Variants in PAX5 observed in about 807,000 individuals in gnomAD.
PAX5 encodes paired box protein Pax-5.
Under a neutral mutation model 43.7 loss-of-function variants are expected in PAX5, and 9 were observed. That is an observed-to-expected ratio of 0.21 (90% CI 0.12 to 0.36). The LOEUF is 0.36. Ranked by LOEUF, PAX5 falls within the 10% of genes least tolerant of loss-of-function variation. PAX5 has a pLI of 1.00. For synonymous variants in PAX5, 228 were observed against 214.3 expected, an observed-to-expected ratio of 1.06 and a Z score of -0.56; for missense variants, 383 against 532.7, an observed-to-expected ratio of 0.72 and a Z score of 2.77.
At chr9:37,032,701 G>A (rs1841105644) in intron 1 of PAX5, among the ~76,000 whole-genome samples, 1 of 152,226 alleles carries the variant, frequency 6.6e-6, no homozygotes, top group Non-Finnish European at 1.5e-5. Flanking sequence ...TCTTGCCAGG[G>A]CCAAGAGAGT....
At chr9:36,940,873 C>A (rs1433193341) in intron 6 of PAX5, among the ~76,000 whole-genome samples, 1 of 152,100 alleles carries the variant, frequency 6.6e-6, no homozygotes, top group Non-Finnish European at 1.5e-5. Flanking sequence ...CGGAAAATAT[C>A]CTAAAGAAAC....
In PAX5 at chr9:36,928,172, T is replaced by C. The variant is rs1830809436; in HGVS notation, c.781-4688A>G. Reference sequence around the variant, plus strand: ...TTCCCTAAGTCCTCATCACCGTTTGTCCTTTTGAGGTGTCCGTGATTTTTA... The same window carrying C: ...TTCCCTAAGTCCTCATCACCGTTTGCCCTTTTGAGGTGTCCGTGATTTTTA... On this transcript the variant is annotated intron_variant, in intron 6 of 9. Coordinates refer to ENST00000358127, the MANE Select transcript of PAX5 (RefSeq NM_016734.3). Among the ~76,000 whole-genome samples, 3 of 152,238 alleles carry C rather than the reference T, an allele frequency of 2.0e-5. No individual in the cohort carries two copies. The South Asian group carries it at 6.2e-4, about 32-fold the overall frequency.
chr9:36,952,067 G>A (rs62533678), intron 6 of PAX5, among the ~76,000 whole-genome samples: 7,615 of 151,898 alleles, frequency 0.05, 375 homozygotes, highest in Admixed American at 0.069. Context: ...ACTTTTACAG[G>A]TGATATTATT....
chr9:37,002,531 C>T, intron 5 of PAX5, 117 bp downstream of exon 5: 3 of 1,111,388 alleles, frequency 2.7e-6, no homozygotes, highest in Admixed American at 2.4e-5. Flanking sequence ...CCGGGGGACT[C>T]GCTCCTCTGC....
rs538526674 is a variant in PAX5 at position 36,921,395 on chromosome 9, T to C, written c.910+1960A>G. Among the ~76,000 whole-genome samples the C allele has an allele frequency of 5.3e-5, 8 of 152,276 alleles. No individual in the cohort carries two copies. The East Asian group carries it at 9.7e-4, about 18-fold the overall frequency. Reference sequence around the variant, plus strand: ...AGATGGAGAAACGGAGGCTCAGAGATGTGTCCAGAGTCAGACGGCAAGGCA... The same window carrying C: ...AGATGGAGAAACGGAGGCTCAGAGACGTGTCCAGAGTCAGACGGCAAGGCA... On this transcript the variant is annotated intron_variant, in intron 7 of 9. Coordinates refer to ENST00000358127, the MANE Select transcript of PAX5 (RefSeq NM_016734.3).
At chr9:37,022,591 G>A (rs1370327724) in intron 1 of PAX5, among the ~76,000 whole-genome samples, 2 of 152,202 alleles carry the variant, frequency 1.3e-5, no homozygotes, top group African/African-American at 2.4e-5. Context: ...GCAATAGCCT[G>A]TTCTCTATGT....
At chr9:36,984,302 T>C (rs2132291392) in intron 5 of PAX5, among the ~76,000 whole-genome samples, 1 of 152,216 alleles carries the variant, frequency 6.6e-6, no homozygotes, top group African/African-American at 2.4e-5. Context: ...AGGGGTGTTA[T>C]GGGGGTTATA....
At chr9:36,946,663 T>A (rs566230219) in intron 6 of PAX5, among the ~76,000 whole-genome samples, 1 of 152,290 alleles carries the variant, frequency 6.6e-6, no homozygotes, top group South Asian at 2.1e-4. Context: ...CTACCAGTAA[T>A]GGAAGGGAAA....
chr9:36,923,117 C>G (rs1241037269), intron 7 of PAX5: 1 of 472,324 alleles, frequency 2.1e-6, no homozygotes, highest in African/African-American at 1.9e-5. Context: ...CAAGTCCCCT[C>G]CAGCCCACAG....
intron 5 of PAX5, among the ~76,000 whole-genome samples, chr9:36,972,981 T>C (rs1004163752): frequency 2.0e-5 from 3 of 149,868 alleles, no homozygotes; most frequent in South Asian, 2.1e-4. Flanking sequence ...TGAGCCGAGA[T>C]TGTGCCATTG....
intron 7 of PAX5, among the ~76,000 whole-genome samples, chr9:36,902,035 T>G (rs188985144): frequency 9.5e-4 from 144 of 152,256 alleles, no homozygotes; most frequent in African/African-American, 3.4e-3. Flanking sequence ...TCCCATCCCC[T>G]CCCTAGACCA....
chr9:36,971,603 A>C (rs1241676674), intron 5 of PAX5, among the ~76,000 whole-genome samples: 1 of 152,244 alleles, frequency 6.6e-6, no homozygotes, highest in East Asian at 1.9e-4. Flanking sequence ...AAAGGTGTAC[A>C]GGGGGCATGG....
At position 37,027,814 on chromosome 9, in the gene PAX5, A is replaced by T. The variant is rs556621185; in HGVS notation, c.46+6172T>A. On this transcript the variant is annotated intron_variant, in intron 1 of 9. Coordinates refer to ENST00000358127, the MANE Select transcript of PAX5 (RefSeq NM_016734.3). ...TGGCGTCAGCCGGCCCTGGCCCGAA[A>T]CACCGCCCCATTGGCTAAGCAGCCC... Among the ~76,000 whole-genome samples the T allele has an allele frequency of 5.3e-5, 8 of 152,358 alleles. No individual in the cohort carries two copies. The East Asian group carries it at 9.6e-4, about 18-fold the overall frequency.
intron 1 of PAX5, among the ~76,000 whole-genome samples, chr9:37,029,362 G>A (rs1319155786): frequency 6.6e-6 from 1 of 152,224 alleles, no homozygotes; most frequent in Non-Finnish European, 1.5e-5. Context: ...CAGTAGACAA[G>A]TTTCCGGCGC....
intron 8 of PAX5, among the ~76,000 whole-genome samples, chr9:36,869,497 A>G (rs1825214237): frequency 6.6e-6 from 1 of 152,162 alleles, no homozygotes; most frequent in Admixed American, 6.5e-5. Context: ...TGTTTTCTCA[A>G]TCTTAGCAAA....
chr9:37,034,133 A>G lies in PAX5; in HGVS notation c.-102T>C, dbSNP rs1038699585. The G allele has an allele frequency of 1.3e-5, 7 of 529,678 alleles. No homozygotes were observed. Among genetic ancestry groups the G allele is most frequent in the Admixed American group, 4.2e-5 (1 of 24,036 alleles). 32.8% of individuals were successfully genotyped at this position (529,678 alleles called of 1,614,324 possible). Reference sequence around the variant, plus strand: ...TTTTTTTTTTTTTTTTTTTGGTGCCAGGGGCCGCTCACAGGTCGGAATAAT... The same window carrying G: ...TTTTTTTTTTTTTTTTTTTGGTGCCGGGGGCCGCTCACAGGTCGGAATAAT... On this transcript the variant is annotated 5_prime_UTR_variant, in exon 1 of 10. Transcript: ENST00000358127.
intron 8 of PAX5, among the ~76,000 whole-genome samples, chr9:36,879,387 G>T (rs909846020): frequency 2.0e-5 from 3 of 152,226 alleles, no homozygotes; most frequent in Non-Finnish European, 4.4e-5. Flanking sequence ...GGTTTCCAGT[G>T]GGGGGCTGAG....
intron 2 of PAX5, among the ~76,000 whole-genome samples, chr9:37,018,930 A>G (rs1839626132): frequency 6.6e-6 from 1 of 152,150 alleles, no homozygotes. Flanking sequence ...CCCCTCTGAA[A>G]AAGGCTCAGT....
At chr9:36,845,772 G>A (rs1213027441) in intron 9 of PAX5, among the ~76,000 whole-genome samples, 2 of 152,204 alleles carry the variant, frequency 1.3e-5, no homozygotes, top group Non-Finnish European at 2.9e-5. Flanking sequence ...CTTTTTCACA[G>A]ACCTATGGTT....
Sources: gnomAD v4.1 joint callset for allele counts (sites outside exome capture counted in the v4.1 genomes callset) on GRCh38, gnomAD v4.1.1 for gene constraint, MANE v1.5 for transcripts, NCBI Gene and HGNC (gene_info 2026-07-23, HGNC 2026-07-21) for gene names.